Variants in CACNA2D1 observed in about 807,000 individuals in gnomAD.
CACNA2D1 encodes calcium voltage-gated channel auxiliary subunit alpha2delta 1, also known as voltage-dependent calcium channel subunit alpha-2/delta-1.
A neutral mutation model predicts 171.5 loss-of-function variants in CACNA2D1; 53 were observed. The ratio of observed to expected loss-of-function variants is 0.31; its 90% CI spans 0.25 to 0.39. The LOEUF is 0.39. CACNA2D1 is among the 10% of genes least tolerant of loss of function. The pLI, the probability that CACNA2D1 is intolerant of heterozygous loss-of-function variation, is 1.00. For missense variants in CACNA2D1, 903 were observed against 1,299.8 expected, an observed-to-expected ratio of 0.69 and a Z score of 4.69; for synonymous variants, 442 against 443.1, an observed-to-expected ratio of 1.00 and a Z score of 0.03.
rs190114352 is a variant in CACNA2D1 at position 82,386,916 on chromosome 7, T to C, written c.96-37267A>G. ...ATTGTAAAAATATACTATAATAATT[T>C]AGCTTTTAACAATCAAGTAAATATA... On this transcript the variant is annotated intron_variant, in intron 1 of 38. Transcript: ENST00000356860. 3.8e-3 allele frequency among the ~76,000 whole-genome samples: 574 copies of C among 152,052 alleles called. 5 individuals are homozygous for C. The highest frequency in any genetic ancestry group is 0.012 in the African/African-American group (514 of 41,534).
At chr7:82,422,702 T>A (rs1828818314) in intron 1 of CACNA2D1, among the ~76,000 whole-genome samples, 1 of 152,056 alleles carries the variant, frequency 6.6e-6, no homozygotes, top group South Asian at 2.1e-4. Context: ...GTGACAGATA[T>A]AATGTAGTAA....
intron 3 of CACNA2D1, among the ~76,000 whole-genome samples, chr7:82,212,153 T>C (rs1372419702): frequency 8.5e-5 from 13 of 152,134 alleles, no homozygotes. Flanking sequence ...AGAAGGCATA[T>C]AACCAGGACT....
intron 1 of CACNA2D1, among the ~76,000 whole-genome samples, chr7:82,394,600 G>T (rs561336306): frequency 6.6e-6 from 1 of 152,264 alleles, no homozygotes; most frequent in East Asian, 1.9e-4. Flanking sequence ...CATTCCTGAA[G>T]CGGCAATAAG....
chr7:82,183,573 T>A (rs557881044), intron 3 of CACNA2D1, among the ~76,000 whole-genome samples: 1 of 152,186 alleles, frequency 6.6e-6, no homozygotes, highest in Non-Finnish European at 1.5e-5. Flanking sequence ...TGGTTCTTCT[T>A]CTATAAAATG....
intron 3 of CACNA2D1, among the ~76,000 whole-genome samples, chr7:82,265,356 T>C (rs1807689389): frequency 6.6e-6 from 1 of 151,958 alleles, no homozygotes; most frequent in African/African-American, 2.4e-5. Context: ...AACCCAGTCA[T>C]ATTTGATGTA....
chr7:82,215,966 G>A (rs1205062631), intron 3 of CACNA2D1, among the ~76,000 whole-genome samples: 2 of 151,994 alleles, frequency 1.3e-5, no homozygotes, highest in Non-Finnish European at 2.9e-5. Flanking sequence ...ATGAAAAAAA[G>A]ACACAAAATA....
intron 3 of CACNA2D1, among the ~76,000 whole-genome samples, chr7:82,189,975 A>G (rs894041307): frequency 6.6e-6 from 1 of 152,074 alleles, no homozygotes; most frequent in African/African-American, 2.4e-5. Context: ...CTTATATTTC[A>G]AAGATAAGTG....
Position 82,260,467 on chromosome 7 carries a change from T to C in CACNA2D1, c.294+74668A>G, listed in dbSNP as rs79838793. ...GAGGAGTAATGCTATAACCAGGTCA[T>C]AATGAGCATGTAATTCAAGCAAGAC... On this transcript the variant is annotated intron_variant, in intron 3 of 38. Transcript: ENST00000356860. 5.4e-3 allele frequency among the ~76,000 whole-genome samples: 823 copies of C among 152,280 alleles called. 22 individuals carry two copies. In the East Asian group the frequency reaches 0.089, roughly 16 times the overall value.
intron 1 of CACNA2D1, among the ~76,000 whole-genome samples, chr7:82,438,303 A>C (rs982504704): frequency 9.2e-5 from 14 of 152,188 alleles, no homozygotes; most frequent in Non-Finnish European, 1.5e-5. Flanking sequence ...TAAAGTTTTA[A>C]AAATATGTAT....
Position 81,992,293 on chromosome 7 carries a change from T to A in CACNA2D1, c.1735-1047A>T, listed in dbSNP as rs574735581. On this transcript the variant is annotated intron_variant, in intron 20 of 38. Coordinates refer to ENST00000356860, the MANE Select transcript of CACNA2D1 (RefSeq NM_000722.4). ...CACTTAGTCCAACCACTGGAGTATA[T>A]ACTTTTATATCCTGCAATTTATTGA... Among the ~76,000 whole-genome samples, 4 of 152,304 alleles carry A rather than the reference T, an allele frequency of 2.6e-5. No individual in the cohort carries two copies. The East Asian group carries it at 5.8e-4, about 22-fold the overall frequency.
intron 3 of CACNA2D1, among the ~76,000 whole-genome samples, chr7:82,196,847 T>C (rs116940681): frequency 0.019 from 2,905 of 151,706 alleles, 46 homozygotes; most frequent in Non-Finnish European, 0.028. Context: ...GAATAGAGGA[T>C]GGTTGCCTTA....
chr7:82,390,066 A>C (rs78634486), intron 1 of CACNA2D1, among the ~76,000 whole-genome samples: 1 of 152,206 alleles, frequency 6.6e-6, no homozygotes, highest in Non-Finnish European at 1.5e-5. Context: ...AGATGAGCTC[A>C]TATTCCAGAA....
chr7:82,039,655 T>C (rs535690264), intron 10 of CACNA2D1, among the ~76,000 whole-genome samples: 2 of 152,294 alleles, frequency 1.3e-5, no homozygotes, highest in South Asian at 4.1e-4. Flanking sequence ...AGGAGAGGCA[T>C]TTCTAATTTG....
Position 81,988,189 on chromosome 7 carries a change from CTTTGT to C in CACNA2D1, c.1796+2991_1796+2995del, listed in dbSNP as rs1339149533. ...TGCATTCTCATACGATGCCCTGATA[CTTTGT>C]TTTATCATAAAATCATCTCTCAAGA... is the stretch of plus-strand genomic sequence containing the variant. On this transcript the variant is annotated intron_variant, in intron 21 of 38. Transcript: ENST00000356860. Among the ~76,000 whole-genome samples the C allele has an allele frequency of 3.9e-5, 6 of 152,274 alleles. No individual in the cohort carries two copies. In the South Asian group the frequency reaches 1.0e-3, roughly 26 times the overall value.
At chr7:82,076,027 C>G (rs1056721226) in intron 7 of CACNA2D1, among the ~76,000 whole-genome samples, 1 of 152,122 alleles carries the variant, frequency 6.6e-6, no homozygotes, top group Non-Finnish European at 1.5e-5. Context: ...TGTTTACCTA[C>G]TCTAACCTGT....
At chr7:82,053,251 CAAAA>C (rs4019049) in intron 10 of CACNA2D1, among the ~76,000 whole-genome samples, 4 of 115,806 alleles carry the variant, frequency 3.5e-5, no homozygotes, top group African/African-American at 7.0e-5. Flanking sequence ...GACTCCGTCT[CAAAA>C]AAAAAAAAAA....
In CACNA2D1 at chr7:82,260,954, CT is replaced by C. The variant is rs111299550; in HGVS notation, c.294+74180del. ...ATATGTCCAAAATACATTGGACCAC[CT>C]TTTTTTTTTTTCTTCTTGAGACTGA... On this transcript the variant is annotated intron_variant, in intron 3 of 38. Transcript: ENST00000356860. Among the ~76,000 whole-genome samples, 886 of 145,314 alleles carry C rather than the reference CT, an allele frequency of 6.1e-3. 21 individuals carry two copies. In the East Asian group the frequency reaches 0.09, roughly 15 times the overall value.
rs551404463 is a variant in CACNA2D1, at chr7:82,096,952, T to A, written c.527-12052A>T. 4.6e-5 allele frequency among the ~76,000 whole-genome samples: 7 copies of A among 152,254 alleles called. No individual in the cohort carries two copies. The South Asian group carries it at 6.2e-4, about 14-fold the overall frequency. ...ATAGATAAAGCATCTAAATCAAATT[T>A]TGCTTTGCATAACAGACCCTATGAG... On this transcript the variant is annotated intron_variant, in intron 6 of 38. Transcript: ENST00000356860.
intron 6 of CACNA2D1, among the ~76,000 whole-genome samples, chr7:82,100,583 G>A (rs893446819): frequency 1.3e-5 from 2 of 152,170 alleles, no homozygotes; most frequent in African/African-American, 2.4e-5. Context: ...GACTATCAAA[G>A]TGTACTTATT....
Sources: allele counts gnomAD v4.1 joint callset (sites outside exome capture counted in the v4.1 genomes callset), GRCh38; gene constraint gnomAD v4.1.1; transcripts MANE v1.5; gene names NCBI Gene and HGNC (gene_info 2026-07-23, HGNC 2026-07-21).